Variants in NOC3L observed in about 807,000 individuals in gnomAD.
NOC3L encodes the protein nucleolar complex protein 3 homolog.
NOC3L carries 85 observed loss-of-function variants against 102.5 expected under a neutral mutation model. The observed-to-expected ratio is 0.83, with a 90% CI of 0.70 to 0.99. The LOEUF is 0.99. Ranked by LOEUF, NOC3L falls within the 50% of genes least tolerant of loss-of-function variation. NOC3L has a pLI of 0.00. For missense variants in NOC3L, 878 were observed against 914.9 expected (o/e 0.96, Z 0.52); for synonymous variants, 303 against 309.4 (o/e 0.98, Z 0.22).
chr10:94,347,528 T>A (rs187178234), intron 10 of NOC3L, among the ~76,000 whole-genome samples: 1 of 152,228 alleles, frequency 6.6e-6, no homozygotes, highest in Non-Finnish European at 1.5e-5. Context: ...TAAGTAAAGA[T>A]GCTAAATATG....
At chr10:94,355,114 C>T in intron 5 of NOC3L, 21 bp from the exon 6 acceptor site, 4 of 1,592,542 alleles carry the variant, frequency 2.5e-6, no homozygotes, top group Non-Finnish European at 3.4e-6. Flanking sequence ...TTAGATGTTC[C>T]CTTACATATT....
rs753878290 is a variant in NOC3L, at chr10:94,334,711, T to G, written c.2197A>C (p.Thr733Pro). The change falls in exon 20 of 21, where the codon ACT becomes CCT. Residue 733 changes from threonine to proline, a missense_variant. Coordinates refer to ENST00000371361, the MANE Select transcript of NOC3L (RefSeq NM_022451.11). ...ATGCTATATGCCTCAAAAAGTTCAG[T>G]AGCAGATCTAAATCACAAACACAAA... ...LKPELSRRSA[T>P]ELFEAYSMAE... 9.9e-6 allele frequency: 16 copies of G among 1,610,016 alleles called. No homozygotes were observed. Among genetic ancestry groups the G allele is most frequent in the Non-Finnish European group, 3.4e-6 (4 of 1,177,816 alleles).
intron 13 of NOC3L, among the ~76,000 whole-genome samples, chr10:94,343,182 A>AT (rs1357303088): frequency 6.6e-6 from 1 of 152,024 alleles, no homozygotes; most frequent in Admixed American, 6.6e-5. Context: ...CTTTTGCATT[A>AT]TTTAAATTTT....
chr10:94,354,375 A>G (rs2054457761), intron 6 of NOC3L, among the ~76,000 whole-genome samples: 1 of 152,168 alleles, frequency 6.6e-6, no homozygotes, highest in Non-Finnish European at 1.5e-5. Context: ...CCTTTTTTAG[A>G]GATGAAAGAG....
At chr10:94,345,198 A>G (rs1469260010) in intron 11 of NOC3L, among the ~76,000 whole-genome samples, 1 of 152,140 alleles carries the variant, frequency 6.6e-6, no homozygotes, top group Admixed American at 6.5e-5. Flanking sequence ...TTTCTTTTCC[A>G]GGAAAAAAAC....
chr10:94,322,157 C>A, the NOC3L span: 1 of 1,166,698 alleles, frequency 8.6e-7, no homozygotes, highest in East Asian at 2.4e-5. Context: ...AGTGAAGTTC[C>A]TCAACAACAG....
intron 2 of NOC3L, among the ~76,000 whole-genome samples, chr10:94,359,131 C>T (rs766940178): frequency 3.9e-5 from 6 of 152,102 alleles, no homozygotes; most frequent in Admixed American, 1.3e-4. Context: ...CCCATTAAAA[C>T]TCGTAAATCT....
rs747470636 is a variant in NOC3L at position 94,357,205 on chromosome 10, A to G, written c.477T>C (p.Ser159=). 11 of 1,598,626 alleles carry G rather than the reference A, an allele frequency of 6.9e-6. No individual in the cohort carries two copies. In the East Asian group the frequency reaches 2.3e-4, roughly 33 times the overall value. Residue 159 remains serine (S), a synonymous_variant, in exon 4 of 21, where the codon AGT becomes AGC. Transcript: ENST00000371361. ...TCTCCCTAGTCTGTGGGATTATACC[A>G]CTTTTATCTTTGATAGGAAGTAAAT... ...LIHLLPIKDK[S]GIIPQTREKP...
In NOC3L at chr10:94,338,606, AC is replaced by A; in HGVS notation, c.2091+1del. On this transcript the variant is annotated splice_donor_variant, in intron 18 of 20. Transcript: ENST00000371361. LOFTEE classifies it high-confidence loss of function. ...AAAGAAAAAAACCAGGGCCACTCTTACCCGCAGAGCATGCAGTTCCCACAGA... is the reference window on the plus strand; with the variant it reads ...AAAGAAAAAAACCAGGGCCACTCTTACCGCAGAGCATGCAGTTCCCACAGA... 1 of 1,534,884 alleles carries A rather than the reference AC, an allele frequency of 6.5e-7. No individual in the cohort carries two copies. The highest frequency in any genetic ancestry group is 8.8e-7 in the Non-Finnish European group (1 of 1,136,320).
intron 4 of NOC3L, 58 bp from the exon 5 acceptor site, chr10:94,356,649 AAAG>A: frequency 9.7e-7 from 1 of 1,033,624 alleles, no homozygotes; most frequent in Non-Finnish European, 1.5e-6. Flanking sequence ...TAAAAACTGT[AAAG>A]AAATGCTAGG....
In NOC3L at chr10:94,334,733, CA is replaced by C. The variant is rs754903667; in HGVS notation, c.2190-16del. 5 of 1,573,992 alleles carry C rather than the reference CA, an allele frequency of 3.2e-6. No individual in the cohort carries two copies. Among genetic ancestry groups the C allele is most frequent in the African/African-American group, 1.4e-5 (1 of 73,644 alleles). On this transcript the variant is annotated splice_polypyrimidine_tract_variant and intron_variant, in intron 19 of 20. Coordinates refer to ENST00000371361, the MANE Select transcript of NOC3L (RefSeq NM_022451.11). Reference sequence around the variant, plus strand: ...CAGTAGCAGATCTAAATCACAAACACAAAAAATGTAAAGATACCACCACATC... The same window carrying C: ...CAGTAGCAGATCTAAATCACAAACACAAAAATGTAAAGATACCACCACATC...
intron 2 of NOC3L, among the ~76,000 whole-genome samples, chr10:94,359,083 T>C (rs1455414184): frequency 2.0e-5 from 3 of 152,076 alleles, no homozygotes; most frequent in African/African-American, 4.8e-5. Flanking sequence ...TAAAACAATC[T>C]TAGCATCTTT....
chr10:94,330,572 C>T (rs1380489215), downstream of NOC3L: 2 of 151,862 alleles, frequency 1.3e-5, no homozygotes, highest in African/African-American at 4.8e-5. Context: ...ACCTGTAAAT[C>T]CCAGCTATTG....
At chr10:94,331,940 C>T (rs55666785), downstream of NOC3L, 4,182 of 148,762 alleles carry the variant, frequency 0.028, 66 homozygotes, top group African/African-American at 0.047. Flanking sequence ...GGTACGATCT[C>T]GACTCACCAC....
intron 10 of NOC3L, among the ~76,000 whole-genome samples, chr10:94,348,613 A>G: frequency 6.6e-6 from 1 of 152,114 alleles, no homozygotes; most frequent in Non-Finnish European, 1.5e-5. Flanking sequence ...AAGTTTATAT[A>G]TATATAAACT....
chr10:94,317,911 G>A, the NOC3L span, among the ~76,000 whole-genome samples: 20,408 of 152,120 alleles, frequency 0.13, 1,538 homozygotes, highest in Middle Eastern at 0.26. Flanking sequence ...GCCCTGTTCT[G>A]GGCACATGAT....
chr10:94,362,224 A>T (rs1299816169), intron 1 of NOC3L, among the ~76,000 whole-genome samples: 1 of 152,242 alleles, frequency 6.6e-6, no homozygotes. Context: ...ACTTACATTT[A>T]TCTACGATTT....
chr10:94,316,724 A>T, the NOC3L span: 1 of 1,614,016 alleles, frequency 6.2e-7, no homozygotes, highest in Non-Finnish European at 8.5e-7. Flanking sequence ...AGAGGGATAC[A>T]TGGGCAGGAT....
Position 94,346,425 on chromosome 10 carries a change from C to T in NOC3L, c.1389G>A (p.Lys463=). 6.7e-7 allele frequency: 1 copy of T among 1,484,746 alleles called. No individual in the cohort carries two copies. Among genetic ancestry groups the T allele is most frequent in the Non-Finnish European group, 9.0e-7 (1 of 1,115,862 alleles). 92.0% of individuals were successfully genotyped at this position (1,484,746 alleles called of 1,614,324 possible). Residue 463 remains lysine, a splice_region_variant and synonymous_variant, in exon 11 of 21, where the codon AAG becomes AAA. Transcript: ENST00000371361. Reference sequence around the variant, plus strand: ...AAACAAAAGGGGAAATAAGTCAAACCTTTCTCTGCATTCTTGATAGAGATT... The same window carrying T: ...AAACAAAAGGGGAAATAAGTCAAACTTTTCTCTGCATTCTTGATAGAGATT... ...KRKSLSRMQR[K]WKKAEEKLER... is the part of the protein sequence containing the mutation.
Sources: gnomAD v4.1 joint callset for allele counts (sites outside exome capture counted in the v4.1 genomes callset) on GRCh38, gnomAD v4.1.1 for gene constraint, MANE v1.5 for transcripts, NCBI Gene and HGNC (gene_info 2026-07-23, HGNC 2026-07-21) for gene names.